DMXL1: variants seen among roughly 807,000 people sequenced by gnomAD.
The protein encoded by DMXL1 is dmX-like protein 1.
In DMXL1, 99 loss-of-function variants were observed where a neutral mutation model predicts 319.2. The ratio of observed to expected loss-of-function variants is 0.31; its 90% CI spans 0.26 to 0.37. The LOEUF (loss-of-function observed/expected upper bound fraction) is 0.37, where lower values mean the gene tolerates loss of function less well. Ranked by LOEUF, DMXL1 falls within the 10% of genes least tolerant of loss-of-function variation. The pLI is 1.00. For missense variants in DMXL1, 3,745 were observed against 3,595.6 expected (o/e 1.04, Z -1.06); for synonymous variants, 1,385 against 1,235.2 (o/e 1.12, Z -2.54).
intron 1 of DMXL1, among the ~76,000 whole-genome samples, chr5:119,084,051 C>T (rs1393187968): frequency 6.6e-6 from 1 of 152,022 alleles, no homozygotes; most frequent in Non-Finnish European, 1.5e-5. Context: ...TGATGTTGAA[C>T]ATTTTTTCAT....
intron 34 of DMXL1, among the ~76,000 whole-genome samples, chr5:119,207,875 A>G (rs6860412): frequency 0.079 from 11,989 of 152,170 alleles, 1,308 homozygotes; most frequent in African/African-American, 0.24. Context: ...TTCATATTCT[A>G]TATTTAAAAC....
chr5:119,241,555 G>C (rs1379608190), intron 42 of DMXL1, among the ~76,000 whole-genome samples: 2 of 143,702 alleles, frequency 1.4e-5, no homozygotes, highest in Non-Finnish European at 3.0e-5. Context: ...AAAAAAAAAA[G>C]ATGAATTATC....
At chr5:119,084,677 C>A (rs1752945754) in intron 1 of DMXL1, among the ~76,000 whole-genome samples, 1 of 151,234 alleles carries the variant, frequency 6.6e-6, no homozygotes, top group Non-Finnish European at 1.5e-5. Flanking sequence ...CAGCATGTGA[C>A]CAACATGGAA....
rs1463091880 is a variant in DMXL1 at position 119,140,188 on chromosome 5, A to C, written c.2377-3653A>C. ...AAAGTCAGAAAGATCTCAAACTAAT[A>C]ACCTAACATCACTACTGAAAGAACT... On this transcript the variant is annotated intron_variant, in intron 13 of 43. Transcript: ENST00000539542. Among the ~76,000 whole-genome samples, 13 of 152,190 alleles carry C rather than the reference A, an allele frequency of 8.5e-5. No homozygotes were observed. The East Asian group carries it at 2.3e-3, about 27-fold the overall frequency.
rs985777764 is a variant in DMXL1 at position 119,129,202 on chromosome 5, C to T, written c.1103-9C>T. 3 of 1,519,038 alleles carry T rather than the reference C, an allele frequency of 2.0e-6. No homozygotes were observed. Among genetic ancestry groups the T allele is most frequent in the African/African-American group, 1.4e-5 (1 of 71,092 alleles). 94.1% of individuals were successfully genotyped at this position (1,519,038 alleles called of 1,614,324 possible). A position where few individuals can be genotyped will look rare whatever the true frequency, so the allele number is the denominator to read the frequency against. On this transcript the variant is annotated splice_polypyrimidine_tract_variant and intron_variant, in intron 9 of 43. Coordinates refer to ENST00000539542, the MANE Select transcript of DMXL1 (RefSeq NM_001290321.3). The stretch of plus-strand genomic sequence containing the variant: ...AAAATTTTAATTTTATCTTTTTTTT[C>T]TCTTATAGACATTCCACTTCTTCCA...
intron 7 of DMXL1, among the ~76,000 whole-genome samples, chr5:119,116,892 A>G (rs565784711): frequency 3.1e-4 from 47 of 152,312 alleles, no homozygotes; most frequent in African/African-American, 1.1e-3. Flanking sequence ...ACACACACAT[A>G]CATATCCTCA....
chr5:119,143,261 G>T (rs1767813529), intron 13 of DMXL1, among the ~76,000 whole-genome samples: 1 of 151,994 alleles, frequency 6.6e-6, no homozygotes, highest in Admixed American at 6.6e-5. Context: ...TCGGTTAAAA[G>T]TAGGGTGGAA....
At chr5:119,241,150 G>A (rs1380620694) in intron 42 of DMXL1, among the ~76,000 whole-genome samples, 1 of 152,066 alleles carries the variant, frequency 6.6e-6, no homozygotes, top group African/African-American at 2.4e-5. Flanking sequence ...CTAGAAAAAA[G>A]AAAATGTTAT....
chr5:119,157,313 C>T (rs969276509), intron 19 of DMXL1, among the ~76,000 whole-genome samples: 2 of 152,202 alleles, frequency 1.3e-5, no homozygotes, highest in Non-Finnish European at 2.9e-5. Context: ...GCTATGCAGA[C>T]ATTTTCAGTT....
At chr5:119,146,704 C>A in intron 15 of DMXL1, 133 bp from the exon 16 acceptor site, 4 of 720,614 alleles carry the variant, frequency 5.6e-6, no homozygotes, top group Non-Finnish European at 8.6e-6. Flanking sequence ...TTTATAATAC[C>A]ACTTGTGTTT....
At chr5:119,076,255 T>A (rs1256769330) in intron 1 of DMXL1, among the ~76,000 whole-genome samples, 3 of 152,166 alleles carry the variant, frequency 2.0e-5, no homozygotes, top group Non-Finnish European at 4.4e-5. Context: ...ATTATGTGAG[T>A]GTCATTAGAG....
At chr5:119,088,921 A>G (rs1171551774) in intron 1 of DMXL1, among the ~76,000 whole-genome samples, 7 of 152,090 alleles carry the variant, frequency 4.6e-5, no homozygotes, top group Non-Finnish European at 1.0e-4. Context: ...CACCACAATT[A>G]CAGTATTCTT....
intron 32 of DMXL1, among the ~76,000 whole-genome samples, chr5:119,200,675 A>G (rs894691650): frequency 6.6e-6 from 1 of 152,160 alleles, no homozygotes; most frequent in Non-Finnish European, 1.5e-5. Flanking sequence ...TGGCCAGTTT[A>G]ATGATATTGA....
chr5:119,090,639 C>T (rs1164409835), intron 1 of DMXL1, among the ~76,000 whole-genome samples: 45 of 148,848 alleles, frequency 3.0e-4, no homozygotes, highest in Admixed American at 9.3e-4. Flanking sequence ...CTCGGCTCAC[C>T]GCAACCTCTG....
intron 25 of DMXL1, among the ~76,000 whole-genome samples, chr5:119,173,800 TGAG>T (rs1775232401): frequency 2.1e-5 from 1 of 47,692 alleles, no homozygotes; most frequent in African/African-American, 8.1e-5. Context: ...ATATATATAA[TGAG>T]AGAGAGATTT....
intron 19 of DMXL1, among the ~76,000 whole-genome samples, chr5:119,159,564 T>A (rs991510302): frequency 6.6e-6 from 1 of 152,274 alleles, no homozygotes; most frequent in Admixed American, 6.5e-5. Flanking sequence ...TAATCTCTTA[T>A]GATTATTTGT....
chr5:119,138,684 A>G (rs1301722613), intron 13 of DMXL1, among the ~76,000 whole-genome samples: 1 of 152,114 alleles, frequency 6.6e-6, no homozygotes, highest in Non-Finnish European at 1.5e-5. Flanking sequence ...TAAAAATATA[A>G]AAATTAGCCA....
At chr5:119,089,292 ATTTTTTTTTT>A (rs1157921856) in intron 1 of DMXL1, among the ~76,000 whole-genome samples, 633 of 39,884 alleles carry the variant, frequency 0.016, 17 homozygotes, top group African/African-American at 0.05. Context: ...ATATATATAT[ATTTTTTTTTT>A]TTTTTTTTTT....
chr5:119,177,432 A>T lies in DMXL1; in HGVS notation c.6834A>T (p.Thr2278=), dbSNP rs1386405301. 1 of 1,609,730 alleles carries T rather than the reference A, an allele frequency of 6.2e-7. No individual in the cohort carries two copies. The highest frequency in any genetic ancestry group is 8.5e-7 in the Non-Finnish European group (1 of 1,177,274). The change falls in exon 27 of 44, where the codon ACA becomes ACT. Residue 2278 remains threonine, a synonymous_variant. Coordinates refer to ENST00000539542, the MANE Select transcript of DMXL1 (RefSeq NM_001290321.3). The stretch of plus-strand genomic sequence containing the variant: ...TTCCTCATCGACCTTCTTTGAAAAC[A>T]GGAAGCTTAGATGAAGCATTAACTC... ...VLLPHRPSLK[T]GSLDEALTPN...
Sources: allele counts gnomAD v4.1 joint callset (sites outside exome capture counted in the v4.1 genomes callset), GRCh38; gene constraint gnomAD v4.1.1; transcripts MANE v1.5; gene names NCBI Gene and HGNC (gene_info 2026-07-23, HGNC 2026-07-21).